Variants in ADAT1 observed in about 807,000 individuals in gnomAD.
The protein encoded by ADAT1 is adenosine deaminase tRNA specific 1.
A neutral mutation model predicts 58.6 loss-of-function variants in ADAT1; 58 were observed. That is an observed-to-expected ratio of 0.99 (90% CI 0.80 to 1.23). The LOEUF (loss-of-function observed/expected upper bound fraction) is 1.23, where lower values mean the gene tolerates loss of function less well. Among genes scored for constraint, ADAT1 ranks in the 50% most tolerant of loss-of-function variants. The pLI is 0.00. For missense variants in ADAT1, 741 were observed against 608.6 expected, an observed-to-expected ratio of 1.22 and a Z score of -2.29; for synonymous variants, 254 against 220.8, an observed-to-expected ratio of 1.15 and a Z score of -1.33.
intron 5 of ADAT1, among the ~76,000 whole-genome samples, chr16:75,615,151 C>T (rs376754183): frequency 8.8e-5 from 13 of 148,374 alleles, no homozygotes; most frequent in East Asian, 2.0e-4. Flanking sequence ...CGCCTGGACC[C>T]GGGAGGTGGA....
intron 8 of ADAT1, among the ~76,000 whole-genome samples, chr16:75,604,925 C>G (rs543482022): frequency 6.6e-6 from 1 of 152,202 alleles, no homozygotes; most frequent in Non-Finnish European, 1.5e-5. Flanking sequence ...TGTGGGTCCA[C>G]TTACACATAG....
Position 75,598,800 on chromosome 16 carries a change from TA to T in ADAT1, c.*1415del. 2 of 760,040 alleles carry T rather than the reference TA, an allele frequency of 2.6e-6. No individual in the cohort carries two copies. The highest frequency in any genetic ancestry group is 3.2e-6 in the Non-Finnish European group (2 of 624,320). 47.1% of individuals were successfully genotyped at this position (760,040 alleles called of 1,614,324 possible). On this transcript the variant is annotated 3_prime_UTR_variant, in exon 10 of 10. Transcript: ENST00000564657. ...TCCCAAAGTGTTGGAATTACAGGCG[TA>T]AGCCACCGTGCCCGGCCTAAAAACT...
Position 75,612,604 on chromosome 16 carries a change from G to A in ADAT1, c.682C>T (p.Pro228Ser), listed in dbSNP as rs1413697746. Reference protein sequence around the residue: ...FGKQKSGPISPGIHSCDLTVE... With the variant: ...FGKQKSGPISSGIHSCDLTVE... ...GTGAGATCACAGCTGTGGATGCCTG[G>A]TGAGATTGGGCCACTTTTCTGCTTG... The change falls in exon 6 of 10, where the codon CCA becomes TCA. Residue 228 changes from proline (P) to serine (S), a missense_variant. Transcript: ENST00000564657. 3.1e-6 allele frequency: 5 copies of A among 1,614,066 alleles called. No individual in the cohort carries two copies. The highest frequency in any genetic ancestry group is 1.6e-4 in the Middle Eastern group (1 of 6,062).
rs1318757632 is a variant in ADAT1 at position 75,599,901 on chromosome 16, C to T, written c.*315G>A. The T allele has an allele frequency of 9.4e-7, 1 of 1,065,788 alleles. No individual in the cohort carries two copies. The highest frequency in any genetic ancestry group is 1.1e-6 in the Non-Finnish European group (1 of 881,220). The allele number at this position is 1,065,788 out of a possible 1,614,324, so 66.0% of individuals were successfully genotyped here. The stretch of plus-strand genomic sequence containing the variant: ...AATATTTGCTGAATCAATGTAGGAA[C>T]CCATAAAACAGAGCTGCTGCAGAGT... On this transcript the variant is annotated 3_prime_UTR_variant, in exon 10 of 10. Transcript: ENST00000564657.
chr16:75,610,062 C>T (rs1004231859), intron 6 of ADAT1, among the ~76,000 whole-genome samples: 2 of 152,146 alleles, frequency 1.3e-5, no homozygotes, highest in Admixed American at 1.3e-4. Flanking sequence ...AGATATTACA[C>T]AAATAAAATT....
rs1567474439 is a variant in ADAT1 at position 75,612,276 on chromosome 16, C to T, written c.1010G>A (p.Ser337Asn). 2 of 1,614,172 alleles carry T rather than the reference C, an allele frequency of 1.2e-6. No homozygotes were observed. The highest frequency in any genetic ancestry group is 4.5e-5 in the East Asian group (2 of 44,872). The change falls in exon 6 of 10, where the codon AGC becomes AAC. Residue 337 changes from serine (S) to asparagine (N), a missense_variant. Physicochemically the swap from Ser to Asn is conservative, Grantham distance 46. Coordinates refer to ENST00000564657, the MANE Select transcript of ADAT1 (RefSeq NM_001324445.2). Reference protein sequence around the residue: ...SAVVIGKCPYSQEAMQRALIG... With the variant: ...SAVVIGKCPYNQEAMQRALIG... Reference sequence around the variant, plus strand: ...CAGTGCTCTCTGCATGGCTTCCTGGCTGTATGGGCACTTCCCAATGACCAC... The same window carrying T: ...CAGTGCTCTCTGCATGGCTTCCTGGTTGTATGGGCACTTCCCAATGACCAC...
intron 6 of ADAT1, among the ~76,000 whole-genome samples, chr16:75,610,389 G>A (rs956217884): frequency 1.3e-5 from 2 of 151,380 alleles, no homozygotes; most frequent in South Asian, 2.1e-4. Context: ...TCAACATCCC[G>A]TGGCTCTGGT....
At chr16:75,619,687 G>C in intron 3 of ADAT1, 1 of 450,124 alleles carries the variant, frequency 2.2e-6, no homozygotes. Context: ...AATGTGGGCA[G>C]ATCACCTGAG....
chr16:75,604,427 T>C (rs1251465329), intron 8 of ADAT1, among the ~76,000 whole-genome samples: 1 of 55,500 alleles, frequency 1.8e-5, no homozygotes, highest in Non-Finnish European at 2.7e-5. Context: ...AGTGAGATTC[T>C]GTCTCAAAAA....
intron 5 of ADAT1, among the ~76,000 whole-genome samples, chr16:75,614,696 T>C (rs1471119911): frequency 6.6e-6 from 1 of 152,160 alleles, no homozygotes; most frequent in Non-Finnish European, 1.5e-5. Context: ...CTCATGCTAA[T>C]AAAACTCATA....
intron 8 of ADAT1, among the ~76,000 whole-genome samples, chr16:75,604,532 T>C (rs2081321896): frequency 7.2e-6 from 1 of 139,266 alleles, no homozygotes; most frequent in Non-Finnish European, 1.5e-5. Context: ...TATACATATA[T>C]ATAATTATGG....
chr16:75,601,074 C>T (rs973591272), intron 9 of ADAT1, among the ~76,000 whole-genome samples: 1 of 152,194 alleles, frequency 6.6e-6, no homozygotes, highest in Non-Finnish European at 1.5e-5. Flanking sequence ...GGCATGGTGG[C>T]TCACACCTGT....
Position 75,599,198 on chromosome 16 carries a change from C to T in ADAT1, c.*1018G>A. 1.1e-6 allele frequency: 1 copy of T among 898,598 alleles called. No homozygotes were observed. Among genetic ancestry groups the T allele is most frequent in the Non-Finnish European group, 1.3e-6 (1 of 752,110 alleles). The allele number at this position is 898,598 out of a possible 1,614,324, so 55.7% of individuals were successfully genotyped here. ...CTGGGTTCAAGCAATTCTCCTGCCT[C>T]AGCCTCCCGAGTAGCTAGGATTACA... On this transcript the variant is annotated 3_prime_UTR_variant, in exon 10 of 10. Transcript: ENST00000564657.
intron 1 of ADAT1, among the ~76,000 whole-genome samples, chr16:75,621,080 T>C (rs1440518587): frequency 6.6e-6 from 1 of 152,022 alleles, no homozygotes; most frequent in East Asian, 2.0e-4. Flanking sequence ...GATACATTTC[T>C]AAGGAGTCTG....
rs1046000856 is a variant in ADAT1 at position 75,598,691 on chromosome 16, G to A, written c.*1525C>T. Among the ~76,000 whole-genome samples the A allele has an allele frequency of 6.6e-6, 1 of 151,154 alleles. No homozygotes were observed. The highest frequency in any genetic ancestry group is 2.4e-5 in the African/African-American group (1 of 41,082). On this transcript the variant is annotated 3_prime_UTR_variant, in exon 10 of 10. Coordinates refer to ENST00000564657, the MANE Select transcript of ADAT1 (RefSeq NM_001324445.2). ...GCACCACCATGCCCGGCTAATTTTT[G>A]TATTTTTAGCAGAGACGGGGTTTCA...
At chr16:75,611,959 G>C (rs967470899) in intron 6 of ADAT1, among the ~76,000 whole-genome samples, 67 of 152,204 alleles carry the variant, frequency 4.4e-4, no homozygotes, top group African/African-American at 1.6e-3. Context: ...TCATGAAGCT[G>C]AGGCAGGAGA....
Position 75,612,247 on chromosome 16 carries a change from C to T in ADAT1, c.1039G>A (p.Gly347Arg), listed in dbSNP as rs2081560228. Residue 347 changes from glycine (G) to arginine (R), a missense_variant, in exon 6 of 10, where the codon GGA becomes AGA. Coordinates refer to ENST00000564657, the MANE Select transcript of ADAT1 (RefSeq NM_001324445.2). ...SQEAMQRALIGRCQNVSALPK... is the reference protein window; with the variant it reads ...SQEAMQRALIRRCQNVSALPK... ...GAGCCCTCCCTACCCTCTCACCTTC[C>T]AATCAGTGCTCTCTGCATGGCTTCC... The T allele has an allele frequency of 6.2e-7, 1 of 1,613,268 alleles. No homozygotes were observed.
At chr16:75,605,379 G>T (rs139468998) in intron 8 of ADAT1, among the ~76,000 whole-genome samples, 1,983 of 152,210 alleles carry the variant, frequency 0.013, 53 homozygotes, top group African/African-American at 0.044. Context: ...GTGAGCCACA[G>T]CACCTGGCCT....
intron 9 of ADAT1, among the ~76,000 whole-genome samples, chr16:75,601,004 T>C (rs759644802): frequency 1.3e-5 from 2 of 152,156 alleles, no homozygotes; most frequent in Non-Finnish European, 2.9e-5. Flanking sequence ...ATGGTCCTAG[T>C]GGAATCAGAT....
Sources: gnomAD v4.1 joint callset for allele counts (sites outside exome capture counted in the v4.1 genomes callset) on GRCh38, gnomAD v4.1.1 for gene constraint, MANE v1.5 for transcripts, NCBI Gene and HGNC (gene_info 2026-07-23, HGNC 2026-07-21) for gene names.